Variants in ABCA13 observed in about 807,000 individuals in gnomAD.
ABCA13 encodes ATP-binding cassette sub-family A member 13.
In ABCA13, 476 loss-of-function variants were observed where a neutral mutation model predicts 478.7. That is an observed-to-expected ratio of 0.99 (90% CI 0.92 to 1.07). The LOEUF is 1.07. Ranked by LOEUF, ABCA13 falls within the 50% of genes least tolerant of loss-of-function variation. The probability of loss-of-function intolerance (pLI) is 0.00; values close to 1 mark genes in which losing one functional copy is unlikely to be tolerated. For synonymous variants in ABCA13, 2,252 were observed against 2,158.9 expected, an observed-to-expected ratio of 1.04 and a Z score of -1.20; for missense variants, 6,060 against 5,910.6, an observed-to-expected ratio of 1.03 and a Z score of -0.83.
chr7:48,380,589 C>T (rs556264825), intron 35 of ABCA13, among the ~76,000 whole-genome samples: 1 of 152,318 alleles, frequency 6.6e-6, no homozygotes, highest in East Asian at 1.9e-4. Flanking sequence ...TGTGATCAGG[C>T]TCACAGAAGG....
chr7:48,310,036 A>G lies in ABCA13; in HGVS notation c.9411A>G (p.Lys3137=), dbSNP rs1801530436. ...TGCTGACATTTCCCAAAGGGGAAAA[A>G]TCTTGGATCGCAGCGGAGGAACTCT... The part of the protein sequence containing the change: ...HLLLTFPKGE[K]SWIAAEELCS... The change falls in exon 24 of 62, where the codon AAA becomes AAG. Residue 3137 remains lysine (K), a synonymous_variant. Transcript: ENST00000435803. 2 of 1,613,942 alleles carry G rather than the reference A, an allele frequency of 1.2e-6. No individual in the cohort carries two copies. Among genetic ancestry groups the G allele is most frequent in the African/African-American group, 2.7e-5 (2 of 75,034 alleles).
rs562786800 is a variant in ABCA13 at position 48,353,435 on chromosome 7, A to G, written c.10688+948A>G. ...CACACTAGGAAGTAAGTGGCTGAAC[A>G]TGAGGCTACTGAAGGGACCGGTTTG... On this transcript the variant is annotated intron_variant, in intron 31 of 61. Transcript: ENST00000435803. Among the ~76,000 whole-genome samples, 5 of 151,674 alleles carry G rather than the reference A, an allele frequency of 3.3e-5. No homozygotes were observed. In the East Asian group the frequency reaches 9.8e-4, roughly 30 times the overall value.
intron 3 of ABCA13, among the ~76,000 whole-genome samples, chr7:48,209,599 A>C (rs1473582849): frequency 6.6e-6 from 1 of 152,116 alleles, no homozygotes; most frequent in East Asian, 1.9e-4. Flanking sequence ...GGTATGTTGC[A>C]TGTATCTAGG....
Position 48,245,574 on chromosome 7 carries a change from A to T in ABCA13, c.1453A>T (p.Lys485Ter). 1 of 1,613,220 alleles carries T rather than the reference A, an allele frequency of 6.2e-7. No individual in the cohort carries two copies. Among genetic ancestry groups the T allele is most frequent in the South Asian group, 1.1e-5 (1 of 90,718 alleles). Residue 485 changes from lysine to a stop codon, truncating the protein, a stop_gained, in exon 12 of 62, where the codon AAA becomes TAA. Coordinates refer to ENST00000435803, the MANE Select transcript of ABCA13 (RefSeq NM_152701.5). LOFTEE classifies it high-confidence loss of function. Reference protein sequence around the residue: ...DFKWFELNQLKLEKDVFFWEL... With the variant: ...DFKWFELNQL The stretch of plus-strand genomic sequence containing the variant: ...TAAATGGTTTGAACTTAACCAATTG[A>T]AACTGGAAAAGGATGTGTTCTTTTG...
At chr7:48,638,180 G>A (rs979936524) in intron 59 of ABCA13, among the ~76,000 whole-genome samples, 32 of 152,212 alleles carry the variant, frequency 2.1e-4, no homozygotes, top group Admixed American at 2.0e-3. Flanking sequence ...TGGACAAGCT[G>A]AAGAGTTTGA....
At chr7:48,203,134 C>T (rs1011905426) in intron 3 of ABCA13, among the ~76,000 whole-genome samples, 6 of 152,348 alleles carry the variant, frequency 3.9e-5, no homozygotes, top group African/African-American at 1.2e-4. Context: ...CCCAGTACAT[C>T]CTCCGCAGCC....
intron 55 of ABCA13, among the ~76,000 whole-genome samples, chr7:48,529,065 G>A (rs550277895): frequency 6.6e-6 from 1 of 152,268 alleles, no homozygotes; most frequent in South Asian, 2.1e-4. Flanking sequence ...GGAACATTCA[G>A]GGCATGGTGC....
At chr7:48,194,703 A>T (rs1797694788) in intron 2 of ABCA13, among the ~76,000 whole-genome samples, 1 of 152,158 alleles carries the variant, frequency 6.6e-6, no homozygotes, top group Non-Finnish European at 1.5e-5. Flanking sequence ...TGTGTCAGTT[A>T]TATTTAGGTT....
At chr7:48,304,357 G>A (rs1289280653) in intron 23 of ABCA13, among the ~76,000 whole-genome samples, 2 of 152,202 alleles carry the variant, frequency 1.3e-5, no homozygotes, top group Non-Finnish European at 2.9e-5. Flanking sequence ...CTACAGCCAG[G>A]CTGAATGGTA....
At chr7:48,524,174 G>A in intron 53 of ABCA13, 74 bp from the exon 54 acceptor site, 2 of 1,393,956 alleles carry the variant, frequency 1.4e-6, no homozygotes, top group Non-Finnish European at 1.9e-6. Context: ...ACAAATCTCT[G>A]ACCTTTTTGC....
chr7:48,481,997 A>T (rs1268482186), intron 46 of ABCA13, among the ~76,000 whole-genome samples: 1 of 152,180 alleles, frequency 6.6e-6, no homozygotes, highest in South Asian at 2.1e-4. Flanking sequence ...GTCTCCTTTT[A>T]TCTAGTGAGT....
Position 48,274,839 on chromosome 7 carries a change from G to A in ABCA13, c.5173G>A (p.Val1725Ile), listed in dbSNP as rs376102365. ...TGCAGACAGCTCACATTCTTGGAAT[G>A]TTAATCATCTGCTGCAGCTCTCACG... ...KFADSSHSWN[V>I]NHLLQLSRLF... Residue 1725 changes from valine (V) to isoleucine (I), a missense_variant, in exon 17 of 62, where the codon GTT (valine) becomes ATT (isoleucine). Val to Ile is a conservative substitution (Grantham distance 29). Transcript: ENST00000435803. The A allele has an allele frequency of 1.2e-6, 2 of 1,613,952 alleles. No homozygotes were observed. The highest frequency in any genetic ancestry group is 1.7e-6 in the Non-Finnish European group (2 of 1,179,854).
Position 48,528,400 on chromosome 7 carries a change from A to G in ABCA13, c.14354+55A>G, listed in dbSNP as rs1328200769. On this transcript the variant is annotated intron_variant, in intron 55 of 61. Transcript: ENST00000435803. ...CTTAAAGAGATAATAAGCCCAGAGA[A>G]CCCCCAGCATTTTCCCTCAGTCCCG... 4 of 1,232,952 alleles carry G rather than the reference A, an allele frequency of 3.2e-6. No individual in the cohort carries two copies. The East Asian group carries it at 8.2e-5, about 25-fold the overall frequency. 76.4% of individuals were successfully genotyped at this position (1,232,952 alleles called of 1,614,324 possible). A position where few individuals can be genotyped will look rare whatever the true frequency, so the allele number is the denominator to read the frequency against.
At chr7:48,536,661 A>T (rs1210753707) in intron 55 of ABCA13, among the ~76,000 whole-genome samples, 1 of 151,484 alleles carries the variant, frequency 6.6e-6, no homozygotes, top group Non-Finnish European at 1.5e-5. Flanking sequence ...AAAAAAAAAA[A>T]TTATAACTTC....
At chr7:48,525,690 TTTTGAG>T (rs1373625556) in intron 54 of ABCA13, among the ~76,000 whole-genome samples, 1 of 145,888 alleles carries the variant, frequency 6.9e-6, no homozygotes. Context: ...TTTTTTTTTT[TTTTGAG>T]TTATTATCTA....
intron 58 of ABCA13, among the ~76,000 whole-genome samples, chr7:48,604,651 G>A (rs1791278569): frequency 1.3e-5 from 2 of 152,228 alleles, no homozygotes; most frequent in Admixed American, 6.5e-5. Flanking sequence ...TTCCAATTAT[G>A]TGGTCAATTT....
At chr7:48,457,885 C>T (rs1263745179) in intron 43 of ABCA13, among the ~76,000 whole-genome samples, 2 of 152,266 alleles carry the variant, frequency 1.3e-5, no homozygotes, top group Middle Eastern at 3.4e-3. Flanking sequence ...AAAAAGCTAC[C>T]AGGAAGCATC....
rs1476515173 is a variant in ABCA13 at position 48,516,610 on chromosome 7, A to G, written c.13641-115A>G. 8.9e-6 allele frequency: 9 copies of G among 1,016,016 alleles called. No homozygotes were observed. The African/African-American group carries it at 9.6e-5, about 11-fold the overall frequency. The allele number at this position is 1,016,016 out of a possible 1,614,324, so 62.9% of individuals were successfully genotyped here. The stretch of plus-strand genomic sequence containing the variant: ...GAAAAACATAGTATATGTAGGATTC[A>G]GTAATATCTGCATTTTCAGGGATTC... On this transcript the variant is annotated intron_variant, in intron 51 of 61. Coordinates refer to ENST00000435803, the MANE Select transcript of ABCA13 (RefSeq NM_152701.5).
At chr7:48,261,760 G>A (rs73341755) in intron 15 of ABCA13, among the ~76,000 whole-genome samples, 4,493 of 151,602 alleles carry the variant, frequency 0.03, 216 homozygotes, top group African/African-American at 0.1. Flanking sequence ...ATTCCTACTG[G>A]TTTTTATTTT....
Sources: allele counts gnomAD v4.1 joint callset (sites outside exome capture counted in the v4.1 genomes callset), GRCh38; gene constraint gnomAD v4.1.1; transcripts MANE v1.5; gene names NCBI Gene and HGNC (gene_info 2026-07-23, HGNC 2026-07-21).